FGD1: variants seen among roughly 807,000 people sequenced by gnomAD.
FGD1 encodes FYVE, RhoGEF and PH domain containing 1.
In FGD1, 12 loss-of-function variants were observed where a neutral mutation model predicts 65.0. The ratio of observed to expected loss-of-function variants is 0.18; its 90% CI spans 0.12 to 0.30. The LOEUF (loss-of-function observed/expected upper bound fraction) is 0.30. FGD1 is among the 10% of genes least tolerant of loss of function. The pLI is 1.00. For synonymous variants in FGD1, 333 were observed against 343.9 expected (o/e 0.97, Z 0.35); for missense variants, 542 against 837.6 (o/e 0.65, Z 4.36).
At chrX:54,470,834 C>T in intron 2 of FGD1, 74 bp from the exon 3 acceptor site, 1 of 518,986 alleles carries the variant, frequency 1.9e-6, no homozygotes, top group African/African-American at 2.4e-5. Context: ...CATGGTGAAA[C>T]CCCATCTCTA....
At chrX:54,466,264 T>C (rs762212730) in intron 6 of FGD1, among the ~76,000 whole-genome samples, 3 of 111,784 alleles carry the variant, frequency 2.7e-5, no homozygotes, top group East Asian at 5.6e-4. Flanking sequence ...GTACTCCTCA[T>C]TGGTCAGTCT....
rs778629490 is a variant in FGD1, at chrX:54,449,204, C to T, written c.2213G>A (p.Arg738His). Residue 738 changes from arginine (R) to histidine (H), a missense_variant, in exon 15 of 18, where the codon CGC becomes CAC. Arg to His is a conservative substitution (Grantham distance 29). Around this residue, in one of 6 missense-constraint regions of FGD1, gnomAD observed 182 missense variants for 311.4 expected, o/e 0.58. Transcript: ENST00000375135. Reference sequence around the variant, plus strand: ...GATAGAATTGAAGGGCTCCTGGCAGCGCATGCACATGGTGACTTCCTTTTC... The same window carrying T: ...GATAGAATTGAAGGGCTCCTGGCAGTGCATGCACATGGTGACTTCCTTTTC... ...IREKEVTMCM[R>H]CQEPFNSITK... The T allele has an allele frequency of 3.3e-6, 4 of 1,211,721 alleles. No homozygotes were observed. The highest frequency in any genetic ancestry group is 3.5e-5 in the African/African-American group (2 of 57,904).
intron 1 of FGD1, among the ~76,000 whole-genome samples, chrX:54,481,727 A>G (rs1017485394): frequency 6.0e-4 from 64 of 107,324 alleles, no homozygotes; most frequent in African/African-American, 2.1e-3. Flanking sequence ...TTTTAGGTAT[A>G]GATGGACTGA....
At chrX:54,459,567 G>C (rs1354238885) in intron 8 of FGD1, among the ~76,000 whole-genome samples, 2 of 110,913 alleles carry the variant, frequency 1.8e-5, no homozygotes, top group Non-Finnish European at 3.8e-5. Context: ...AGTCAGTCTG[G>C]GGAACCAGAC....
chrX:54,448,433 G>A (rs954485806), intron 16 of FGD1, among the ~76,000 whole-genome samples: 2 of 111,300 alleles, frequency 1.8e-5, no homozygotes, highest in African/African-American at 3.3e-5. Context: ...TGATTCACCC[G>A]CCTCAGCCTC....
chrX:54,475,193 A>G (rs1289284544), intron 1 of FGD1, among the ~76,000 whole-genome samples: 2 of 112,188 alleles, frequency 1.8e-5, no homozygotes, highest in Non-Finnish European at 3.8e-5. Flanking sequence ...ATGAAATGCA[A>G]AGATTCCCTG....
chrX:54,485,277 TCTC>T (rs1396984236), intron 1 of FGD1, among the ~76,000 whole-genome samples: 5 of 110,483 alleles, frequency 4.5e-5, no homozygotes, highest in Non-Finnish European at 9.5e-5. Flanking sequence ...AGCCCTCTCT[TCTC>T]CTTTCCGTAA....
At chrX:54,483,969 T>C (rs1343659469) in intron 1 of FGD1, among the ~76,000 whole-genome samples, 4 of 111,667 alleles carry the variant, frequency 3.6e-5, no homozygotes, top group African/African-American at 1.3e-4. Context: ...TCTACACCAC[T>C]GCCAGCTTTT....
At chrX:54,453,225 A>C (rs1478892451) in intron 12 of FGD1, among the ~76,000 whole-genome samples, 1 of 111,151 alleles carries the variant, frequency 9.0e-6, no homozygotes, top group Non-Finnish European at 1.9e-5. Context: ...TCCCTGCTGC[A>C]GGCCTCCATG....
intron 1 of FGD1, among the ~76,000 whole-genome samples, chrX:54,473,621 C>T (rs6614242): frequency 8.9e-6 from 1 of 112,300 alleles, no homozygotes; most frequent in Non-Finnish European, 1.9e-5. Flanking sequence ...AAACCCAGTA[C>T]AGTATAACAA....
intron 1 of FGD1, among the ~76,000 whole-genome samples, chrX:54,494,801 C>T (rs760480546): frequency 9.0e-6 from 1 of 111,270 alleles, no homozygotes; most frequent in South Asian, 3.8e-4. Flanking sequence ...GTTTCCCCAA[C>T]CAAATATCCA....
intron 8 of FGD1, among the ~76,000 whole-genome samples, chrX:54,460,775 T>TA (rs1022844347): frequency 8.9e-6 from 1 of 112,060 alleles, no homozygotes; most frequent in African/African-American, 3.2e-5. Context: ...TAAAAATAAA[T>TA]AAAAAATAAA....
intron 12 of FGD1, among the ~76,000 whole-genome samples, chrX:54,454,263 C>T (rs1480584231): frequency 1.8e-5 from 2 of 111,618 alleles, no homozygotes; most frequent in African/African-American, 6.5e-5. Flanking sequence ...TCTTAGGCTA[C>T]AAACCTGTAA....
chrX:54,454,772 G>A (rs1922458995), intron 12 of FGD1, among the ~76,000 whole-genome samples: 1 of 111,119 alleles, frequency 9.0e-6, no homozygotes, highest in Non-Finnish European at 1.9e-5. Flanking sequence ...ATATGTGTAT[G>A]TATGTATATG....
At chrX:54,474,752 G>T (rs1464848857) in intron 1 of FGD1, among the ~76,000 whole-genome samples, 1 of 112,784 alleles carries the variant, frequency 8.9e-6, no homozygotes, top group Non-Finnish European at 1.9e-5. Flanking sequence ...CACATGGCCA[G>T]AGCAAGGGAG....
At chrX:54,449,940 T>TA (rs1922338468) in intron 13 of FGD1, among the ~76,000 whole-genome samples, 180 bp from the exon 14 acceptor site, 1 of 111,165 alleles carries the variant, frequency 9.0e-6, no homozygotes, top group African/African-American at 3.3e-5. Context: ...GTCTCAGTGT[T>TA]ACAAGTGTAA....
intron 8 of FGD1, among the ~76,000 whole-genome samples, chrX:54,461,126 C>A: frequency 9.0e-6 from 1 of 111,490 alleles, no homozygotes; most frequent in African/African-American, 3.3e-5. Context: ...GGAGAATTTT[C>A]ACCTGGGGAT....
intron 1 of FGD1, among the ~76,000 whole-genome samples, chrX:54,490,846 C>G (rs968380187): frequency 5.0e-4 from 55 of 110,885 alleles, no homozygotes; most frequent in African/African-American, 1.6e-3. Flanking sequence ...AAGGCCTGTC[C>G]ATGCTAGCAT....
rs200372561 is a variant in FGD1, at chrX:54,466,752, TTTG to T, written c.1341-903_1341-901del. ...TATATATCTGGTACTGTTTTGTTTG[TTTG>T]TTTTTTTTTTTTTTGAGAGAGTCTT... On this transcript the variant is annotated intron_variant, in intron 6 of 17. Coordinates refer to ENST00000375135, the MANE Select transcript of FGD1 (RefSeq NM_004463.3). Among the ~76,000 whole-genome samples the T allele has an allele frequency of 9.9e-5, 9 of 91,031 alleles. No individual in the cohort carries two copies. The East Asian group carries it at 2.5e-3, about 25-fold the overall frequency. The allele number at this position is 91,031 out of a possible 115,157, so 79.0% of individuals were successfully genotyped here. A position where few individuals can be genotyped will look rare whatever the true frequency, so the allele number is the denominator to read the frequency against.
Sources: allele counts gnomAD v4.1 joint callset (sites outside exome capture counted in the v4.1 genomes callset), GRCh38; gene constraint gnomAD v4.1.1; regional missense constraint gnomAD v4.1.1; transcripts MANE v1.5; gene names NCBI Gene and HGNC (gene_info 2026-07-23, HGNC 2026-07-21).